The following PCDHGA9 variants were observed in gnomAD, a reference collection of about 807,000 sequenced individuals.
The protein encoded by PCDHGA9 is protocadherin gamma-A9.
A neutral mutation model predicts 62.5 loss-of-function variants in PCDHGA9; 37 were observed. That is an observed-to-expected ratio of 0.59 (90% CI 0.46 to 0.78). The LOEUF is 0.78. Among genes scored for constraint, PCDHGA9 ranks in the 30% least tolerant of loss-of-function variants. PCDHGA9 has a pLI of 0.00. For missense variants in PCDHGA9, 1,138 were observed against 1,166.2 expected, an observed-to-expected ratio of 0.98 and a Z score of 0.35; for synonymous variants, 459 against 484.6, an observed-to-expected ratio of 0.95 and a Z score of 0.69.
At chr5:141,507,786 G>A (rs536470814) in intron 3 of PCDHGA9, among the ~76,000 whole-genome samples, 3 of 152,292 alleles carry the variant, frequency 2.0e-5, no homozygotes, top group East Asian at 1.9e-4. Context: ...CCTGACCCTC[G>A]TCTAAGCCTG....
rs2094308599 is a variant in PCDHGA9 at position 141,402,798 on chromosome 5, C to T, written c.-155C>T. ...TTTCCAGTTCTGCGGCTACACAAAA[C>T]CCGGCAGATACCACAAACCTGCTCC... On this transcript the variant is annotated 5_prime_UTR_variant, in exon 1 of 4. Transcript: ENST00000573521. 7.6e-6 allele frequency: 8 copies of T among 1,054,376 alleles called. No individual in the cohort carries two copies. The South Asian group carries it at 1.6e-4, about 20-fold the overall frequency. The allele number at this position is 1,054,376 out of a possible 1,614,324, so 65.3% of individuals were successfully genotyped here. A position where few individuals can be genotyped will look rare whatever the true frequency, so the allele number is the denominator to read the frequency against.
intron 1 of PCDHGA9, among the ~76,000 whole-genome samples, chr5:141,435,017 C>T (rs1477938779): frequency 1.3e-5 from 2 of 151,994 alleles, no homozygotes; most frequent in Middle Eastern, 3.2e-3. Flanking sequence ...AATGATAATG[C>T]TCTTTTCCCA....
rs2094383546 is a variant in PCDHGA9 at position 141,403,254 on chromosome 5, G to A, written c.302G>A (p.Arg101Gln). 1.9e-6 allele frequency: 3 copies of A among 1,613,830 alleles called. No individual in the cohort carries two copies. The highest frequency in any genetic ancestry group is 2.5e-6 in the Non-Finnish European group (3 of 1,179,886). ...DREELCAQSPRCLVNFKVLVE... is the reference protein window; with the variant it reads ...DREELCAQSPQCLVNFKVLVE... Reference sequence around the variant, plus strand: ...GAGGAGCTCTGTGCTCAGAGCCCGCGGTGTCTGGTGAACTTTAAAGTCCTG... The same window carrying A: ...GAGGAGCTCTGTGCTCAGAGCCCGCAGTGTCTGGTGAACTTTAAAGTCCTG... Residue 101 changes from arginine to glutamine, a missense_variant, in exon 1 of 4, where the codon CGG becomes CAG. Coordinates refer to ENST00000573521, the MANE Select transcript of PCDHGA9 (RefSeq NM_018921.3).
chr5:141,420,505 T>C (rs923726040), intron 1 of PCDHGA9: 4 of 457,906 alleles, frequency 8.7e-6, no homozygotes, highest in Middle Eastern at 6.0e-4. Context: ...GGTGACATTT[T>C]TATGAAGTAA....
chr5:141,419,699 C>A (rs1488905080), intron 1 of PCDHGA9: 1 of 1,612,924 alleles, frequency 6.2e-7, no homozygotes. Context: ...GGCCAGTGAG[C>A]CCGGGCTCTT....
At chr5:141,466,510 AT>A (rs1222513096) in intron 1 of PCDHGA9, among the ~76,000 whole-genome samples, 1 of 151,938 alleles carries the variant, frequency 6.6e-6, no homozygotes, top group Non-Finnish European at 1.5e-5. Context: ...AGACAAGATC[AT>A]TTTTTTTCCT....
Position 141,493,775 on chromosome 5 carries a change from G to A in PCDHGA9, c.2425-1032G>A, listed in dbSNP as rs1434978072. ...CCTTGAGTGAGCCACTGGCAGTTCCGGAGCTTCCTTCTCCCTGGAGTAATC... is the reference window on the plus strand; with the variant it reads ...CCTTGAGTGAGCCACTGGCAGTTCCAGAGCTTCCTTCTCCCTGGAGTAATC... On this transcript the variant is annotated intron_variant, in intron 1 of 3. Coordinates refer to ENST00000573521, the MANE Select transcript of PCDHGA9 (RefSeq NM_018921.3). The surrounding 1 kb of genome is among the most constrained non-coding windows in gnomAD (Gnocchi z 4.3). Among the ~76,000 whole-genome samples, 1 of 152,094 alleles carries A rather than the reference G, an allele frequency of 6.6e-6. No individual in the cohort carries two copies. The highest frequency in any genetic ancestry group is 6.5e-5 in the Admixed American group (1 of 15,272).
At chr5:141,418,946 G>A in intron 1 of PCDHGA9, 3 of 1,614,018 alleles carry the variant, frequency 1.9e-6, no homozygotes, top group South Asian at 1.1e-5. Flanking sequence ...TTCCCCTCCA[G>A]GAGTGGTTGT....
At chr5:141,433,381 A>ATCTC (rs1561869478) in intron 1 of PCDHGA9, among the ~76,000 whole-genome samples, 1 of 151,148 alleles carries the variant, frequency 6.6e-6, no homozygotes, top group Admixed American at 6.6e-5. Flanking sequence ...CTATCTATCT[A>ATCTC]TCTATCTATC....
chr5:141,448,211 T>TA (rs2098575794), intron 1 of PCDHGA9, among the ~76,000 whole-genome samples: 1 of 152,212 alleles, frequency 6.6e-6, no homozygotes, highest in East Asian at 1.9e-4. Flanking sequence ...TTTCTGTGTG[T>TA]ATGCGAATGT....
chr5:141,478,774 G>T (rs1019315910), intron 1 of PCDHGA9: 1 of 1,496,268 alleles, frequency 6.7e-7, no homozygotes, highest in African/African-American at 1.4e-5. Flanking sequence ...ACTCATCTGT[G>T]GACCTAATTC....
intron 1 of PCDHGA9, among the ~76,000 whole-genome samples, chr5:141,474,922 C>G (rs748864870): frequency 3.9e-5 from 6 of 152,238 alleles, no homozygotes; most frequent in Non-Finnish European, 8.8e-5. Flanking sequence ...CATCTCATCT[C>G]TGGCTTATAT....
chr5:141,489,830 A>G lies in PCDHGA9; in HGVS notation c.2425-4977A>G, dbSNP rs760376311. On this transcript the variant is annotated intron_variant, in intron 1 of 3. Coordinates refer to ENST00000573521, the MANE Select transcript of PCDHGA9 (RefSeq NM_018921.3). The surrounding 1 kb of genome is among the most constrained non-coding windows in gnomAD (Gnocchi z 4.5). ...AAGCCATTCCCAGAGCTGGTGCTAG[A>G]GCAGCAGCTGGATCGTGAAGCCCAG... 1.9e-6 allele frequency: 3 copies of G among 1,614,200 alleles called. No individual in the cohort carries two copies. Among genetic ancestry groups the G allele is most frequent in the East Asian group, 2.2e-5 (1 of 44,878 alleles).
intron 2 of PCDHGA9, 70 bp downstream of exon 2, chr5:141,494,935 G>T (rs1456805368): frequency 2.5e-6 from 4 of 1,612,364 alleles, no homozygotes; most frequent in African/African-American, 1.3e-5. Context: ...GGGAGGAGAT[G>T]GGGGAGGGCC....
At chr5:141,444,152 A>ATTTTTTTTTTTTTTTTT (rs747671382) in intron 1 of PCDHGA9, among the ~76,000 whole-genome samples, 1 of 33,898 alleles carries the variant, frequency 3.0e-5, no homozygotes, top group African/African-American at 1.4e-4. Context: ...TGTGTACTGG[A>ATTTTTTTTTTTTTTTTT]TTTTTTTTTT....
At chr5:141,418,045 G>A (rs754041387) in intron 1 of PCDHGA9, 2 of 1,614,002 alleles carry the variant, frequency 1.2e-6, no homozygotes, top group East Asian at 2.2e-5. Flanking sequence ...TGGATGTGTC[G>A]GCTCGCGAGC....
rs1434955829 is a variant in PCDHGA9, at chr5:141,431,361, A to G, written c.2424+25985A>G. 3 of 1,614,002 alleles carry G rather than the reference A, an allele frequency of 1.9e-6. No homozygotes were observed. The highest frequency in any genetic ancestry group is 2.5e-6 in the Non-Finnish European group (3 of 1,180,034). On this transcript the variant is annotated intron_variant, in intron 1 of 3. Transcript: ENST00000573521. The surrounding 1 kb of genome is among the most constrained non-coding windows in gnomAD (Gnocchi z 4.8). ...GAATTGGTGCTGAAACGCGCCCTGG[A>G]CCGCGAAGAAAAGGCTGCTCACCAC...
At chr5:141,505,305 C>T (rs1363643214) in intron 2 of PCDHGA9, 88 bp from the exon 3 acceptor site, 2 of 1,595,104 alleles carry the variant, frequency 1.3e-6, no homozygotes, top group Admixed American at 1.7e-5. Flanking sequence ...GGTTAGGGTA[C>T]TAGGTTTGGG....
At chr5:141,439,151 C>T (rs563575567) in intron 1 of PCDHGA9, among the ~76,000 whole-genome samples, 1 of 150,892 alleles carries the variant, frequency 6.6e-6, no homozygotes, top group Admixed American at 6.6e-5. Context: ...TGAGATCACG[C>T]CACTGCACTC....
Sources: allele counts gnomAD v4.1 joint callset (sites outside exome capture counted in the v4.1 genomes callset), GRCh38; gene constraint gnomAD v4.1.1; non-coding constraint Gnocchi (gnomAD v3.1); transcripts MANE v1.5; gene names NCBI Gene and HGNC (gene_info 2026-07-23, HGNC 2026-07-21).